THSD7A: variants seen among roughly 807,000 people sequenced by gnomAD.
The protein encoded by THSD7A is thrombospondin type 1 domain containing 7A, also known as thrombospondin type-1 domain-containing protein 7A.
A neutral mutation model predicts 231.3 loss-of-function variants in THSD7A; 96 were observed. The ratio of observed to expected loss-of-function variants is 0.41; its 90% CI spans 0.35 to 0.49. The LOEUF (loss-of-function observed/expected upper bound fraction) is 0.49. Ranked by LOEUF, THSD7A falls within the 20% of genes least tolerant of loss-of-function variation. The probability of loss-of-function intolerance (pLI) is 0.05; values close to 1 mark genes in which losing one functional copy is unlikely to be tolerated. For missense variants in THSD7A, 2,290 were observed against 2,070.2 expected, an observed-to-expected ratio of 1.11 and a Z score of -2.06; for synonymous variants, 940 against 743.3, an observed-to-expected ratio of 1.26 and a Z score of -4.30.
intron 6 of THSD7A, among the ~76,000 whole-genome samples, chr7:11,529,436 C>A (rs1788610638): frequency 6.6e-6 from 1 of 152,056 alleles, no homozygotes; most frequent in South Asian, 2.1e-4. Flanking sequence ...TGTGTCCCGA[C>A]CCAAATCTCA....
At chr7:11,730,066 G>T (rs1356425905) in intron 1 of THSD7A, among the ~76,000 whole-genome samples, 1 of 151,716 alleles carries the variant, frequency 6.6e-6, no homozygotes, top group Admixed American at 6.6e-5. Flanking sequence ...TGACTGTAAC[G>T]ATTTAACAAG....
intron 1 of THSD7A, among the ~76,000 whole-genome samples, chr7:11,816,176 T>C (rs1334610686): frequency 3.3e-5 from 5 of 152,218 alleles, no homozygotes; most frequent in Non-Finnish European, 7.3e-5. Context: ...ATGCTATTCA[T>C]GTTTGTTCCC....
chr7:11,780,974 G>A (rs1783605937), intron 1 of THSD7A, among the ~76,000 whole-genome samples: 1 of 103,638 alleles, frequency 9.6e-6, no homozygotes, highest in Non-Finnish European at 1.8e-5. Context: ...GTCCGGCCTG[G>A]GCGACAGAGC....
chr7:11,435,195 T>A (rs1784595269), intron 13 of THSD7A, among the ~76,000 whole-genome samples: 1 of 152,064 alleles, frequency 6.6e-6, no homozygotes, highest in Non-Finnish European at 1.5e-5. Flanking sequence ...GATATCTATG[T>A]ACAAGTTCAT....
In THSD7A at chr7:11,400,532, T is replaced by C. The variant is rs145854208; in HGVS notation, c.4411+1263A>G. On this transcript the variant is annotated intron_variant, in intron 23 of 27. Transcript: ENST00000423059. The stretch of plus-strand genomic sequence containing the variant: ...TTGTTCTATTGATTCCTAATTTTAT[T>C]TCCTTGTCATTTTGGAGTGAATACT... Among the ~76,000 whole-genome samples, 192 of 152,292 alleles carry C rather than the reference T, an allele frequency of 1.3e-3. 1 individual carries two copies. Among genetic ancestry groups the C allele is most frequent in the Middle Eastern group, 0.01 (3 of 294 alleles).
At chr7:11,760,017 T>C (rs1782804357) in intron 1 of THSD7A, among the ~76,000 whole-genome samples, 1 of 151,956 alleles carries the variant, frequency 6.6e-6, no homozygotes, top group South Asian at 2.1e-4. Context: ...ACAAACAAAA[T>C]ATGAGAAGCA....
At chr7:11,705,109 G>A (rs1435811937) in intron 1 of THSD7A, among the ~76,000 whole-genome samples, 1 of 150,926 alleles carries the variant, frequency 6.6e-6, no homozygotes, top group Admixed American at 6.6e-5. Flanking sequence ...AAGTGCTGTT[G>A]GATTATGGCA....
At chr7:11,769,119 G>A (rs1206185429) in intron 1 of THSD7A, among the ~76,000 whole-genome samples, 2,831 of 70,286 alleles carry the variant, frequency 0.04, 249 homozygotes, top group African/African-American at 0.14. Flanking sequence ...CATAATTCCT[G>A]GCAATATATA....
At chr7:11,499,430 A>T (rs1787241357) in intron 6 of THSD7A, among the ~76,000 whole-genome samples, 1 of 152,236 alleles carries the variant, frequency 6.6e-6, no homozygotes, top group Admixed American at 6.5e-5. Context: ...CTAGAGCTTC[A>T]GTGGGCAGCC....
At chr7:11,659,200 GC>G (rs1456400567) in intron 1 of THSD7A, among the ~76,000 whole-genome samples, 1 of 151,592 alleles carries the variant, frequency 6.6e-6, no homozygotes, top group Non-Finnish European at 1.5e-5. Context: ...TTATGAATGT[GC>G]TAAAAGGCAC....
At chr7:11,462,235 G>T in intron 9 of THSD7A, 92 bp from the exon 10 acceptor site, 1 of 1,389,504 alleles carries the variant, frequency 7.2e-7, no homozygotes. Flanking sequence ...ATTGCCTCCA[G>T]CTACATGTGC....
intron 1 of THSD7A, among the ~76,000 whole-genome samples, chr7:11,704,548 A>T (rs1020968079): frequency 6.6e-6 from 1 of 150,812 alleles, no homozygotes; most frequent in South Asian, 2.1e-4. Flanking sequence ...GTCTGTGTGA[A>T]TATGTTCAGT....
At chr7:11,570,988 C>T (rs771482553) in intron 4 of THSD7A, among the ~76,000 whole-genome samples, 3 of 152,182 alleles carry the variant, frequency 2.0e-5, no homozygotes, top group Non-Finnish European at 2.9e-5. Flanking sequence ...ATGAAGTCCT[C>T]AGAGGACTCC....
chr7:11,440,924 C>A (rs1784784468), intron 13 of THSD7A, among the ~76,000 whole-genome samples: 2 of 151,974 alleles, frequency 1.3e-5, no homozygotes, highest in African/African-American at 4.8e-5. Context: ...TGCTATCAAA[C>A]AACATTGCAT....
intron 4 of THSD7A, among the ~76,000 whole-genome samples, chr7:11,546,202 G>GCGCACACACACACACACACA (rs761841418): frequency 5.4e-5 from 7 of 129,412 alleles, no homozygotes; most frequent in East Asian, 2.3e-4. Context: ...GTGGGCGCGC[G>GCGCACACACACACACACACA]CTCACACACA....
intron 1 of THSD7A, among the ~76,000 whole-genome samples, chr7:11,736,023 C>T (rs955320532): frequency 6.6e-6 from 1 of 151,724 alleles, no homozygotes; most frequent in Admixed American, 6.6e-5. Flanking sequence ...ATATTAAATA[C>T]TTACATAGTT....
chr7:11,491,339 T>C (rs1786883607), intron 6 of THSD7A, among the ~76,000 whole-genome samples: 1 of 152,092 alleles, frequency 6.6e-6, no homozygotes, highest in African/African-American at 2.4e-5. Context: ...CTGAAAGTTG[T>C]ACTACACAAT....
At chr7:11,532,836 T>C (rs551387604) in intron 6 of THSD7A, among the ~76,000 whole-genome samples, 1 of 152,174 alleles carries the variant, frequency 6.6e-6, no homozygotes, top group Non-Finnish European at 1.5e-5. Context: ...ACAAGAGCTG[T>C]TATAAAATGA....
At chr7:11,603,833 T>A (rs1584065251) in intron 2 of THSD7A, among the ~76,000 whole-genome samples, 2 of 135,020 alleles carry the variant, frequency 1.5e-5, no homozygotes, top group Non-Finnish European at 3.1e-5. Flanking sequence ...AACAACGAGA[T>A]CACATGGACA....
Sources: allele counts gnomAD v4.1 joint callset (sites outside exome capture counted in the v4.1 genomes callset), GRCh38; gene constraint gnomAD v4.1.1; transcripts MANE v1.5; gene names NCBI Gene and HGNC (gene_info 2026-07-23, HGNC 2026-07-21).